The following LMBR1 variants were observed in gnomAD, a reference collection of about 807,000 sequenced individuals.
The protein encoded by LMBR1 is limb region 1 protein homolog.
In LMBR1, 52 loss-of-function variants were observed where a neutral mutation model predicts 73.9. The ratio of observed to expected loss-of-function variants is 0.70; its 90% CI spans 0.56 to 0.89. The LOEUF (loss-of-function observed/expected upper bound fraction) is 0.89, where lower values mean the gene tolerates loss of function less well. Ranked by LOEUF, LMBR1 falls within the 40% of genes least tolerant of loss-of-function variation. The pLI is 0.00. For missense variants in LMBR1, 539 were observed against 579.8 expected (o/e 0.93, Z 0.72); for synonymous variants, 215 against 209.4 (o/e 1.03, Z -0.23).
chr7:156,714,264 A>C (rs1270552229), intron 15 of LMBR1, among the ~76,000 whole-genome samples: 1 of 152,240 alleles, frequency 6.6e-6, no homozygotes, highest in African/African-American at 2.4e-5. Flanking sequence ...GATAAACGGA[A>C]AACTGCACCA....
intron 12 of LMBR1, among the ~76,000 whole-genome samples, chr7:156,726,435 C>T (rs907323874): frequency 6.6e-6 from 1 of 151,594 alleles, no homozygotes; most frequent in Non-Finnish European, 1.5e-5. Context: ...TTATCCCTAT[C>T]TCAAAAACTA....
chr7:156,673,543 T>C (rs113518786), downstream of LMBR1, among the ~76,000 whole-genome samples: 677 of 152,278 alleles, frequency 4.4e-3, 3 homozygotes, highest in Middle Eastern at 0.024. Context: ...AAAGAGAATT[T>C]GACTCATAAA....
intron 5 of LMBR1, among the ~76,000 whole-genome samples, chr7:156,766,506 C>T (rs1418999302): frequency 6.6e-6 from 1 of 152,120 alleles, no homozygotes; most frequent in Non-Finnish European, 1.5e-5. Flanking sequence ...AACTCGGAGA[C>T]TAACTTGTTA....
intron 9 of LMBR1, among the ~76,000 whole-genome samples, chr7:156,741,442 A>G (rs1486131843): frequency 1.3e-5 from 2 of 152,216 alleles, no homozygotes; most frequent in East Asian, 3.8e-4. Flanking sequence ...ATAGATTGAA[A>G]ATAAAGGCAT....
intron 5 of LMBR1, among the ~76,000 whole-genome samples, chr7:156,764,053 T>G (rs1366772079): frequency 6.6e-6 from 1 of 152,216 alleles, no homozygotes; most frequent in African/African-American, 2.4e-5. Context: ...TTTTAACAAT[T>G]ACTTTCCTAA....
intron 15 of LMBR1, among the ~76,000 whole-genome samples, chr7:156,694,575 C>A (rs1370374471): frequency 6.6e-6 from 1 of 152,128 alleles, no homozygotes; most frequent in Non-Finnish European, 1.5e-5. Flanking sequence ...CTAGCCAGAG[C>A]AATCAAGTTA....
rs146475592 is a variant in LMBR1 at position 156,754,457 on chromosome 7, C to T, written c.757+1936G>A. On this transcript the variant is annotated intron_variant, in intron 9 of 16. Coordinates refer to ENST00000353442, the MANE Select transcript of LMBR1 (RefSeq NM_022458.4). ...GTACAACTGAGCTCAGAGTAAGCCACACTGACACCCCAAAGATTTCTGCAA... is the reference window on the plus strand; with the variant it reads ...GTACAACTGAGCTCAGAGTAAGCCATACTGACACCCCAAAGATTTCTGCAA... Among the ~76,000 whole-genome samples the T allele has an allele frequency of 1.0e-3, 157 of 152,232 alleles. 1 individual carries two copies. The East Asian group carries it at 0.029, about 28-fold the overall frequency.
At chr7:156,738,139 C>T (rs769283179) in intron 9 of LMBR1, among the ~76,000 whole-genome samples, 6 of 152,076 alleles carry the variant, frequency 3.9e-5, no homozygotes, top group African/African-American at 2.4e-5. Flanking sequence ...CAGCAGCGGC[C>T]GTGTAGTGTG....
intron 1 of LMBR1, chr7:156,892,713 A>T: frequency 6.2e-6 from 2 of 321,170 alleles, no homozygotes; most frequent in Admixed American, 5.5e-5. Context: ...GGGCAGGCAG[A>T]GGAAGCGAAG....
At chr7:156,672,400 G>A (rs1802747678) in intron 4 of LMBR1, among the ~76,000 whole-genome samples, 1 of 152,128 alleles carries the variant, frequency 6.6e-6, no homozygotes, top group African/African-American at 2.4e-5. Flanking sequence ...ATGCCACAGT[G>A]ACTGAGGCAG....
In LMBR1 at chr7:156,685,240, T is replaced by C. The variant is rs576094338; in HGVS notation, c.1388-1077A>G. 5.9e-5 allele frequency among the ~76,000 whole-genome samples: 9 copies of C among 152,292 alleles called. No homozygotes were observed. The highest frequency in any genetic ancestry group is 3.9e-4 in the Admixed American group (6 of 15,298). On this transcript the variant is annotated intron_variant, in intron 16 of 16. Coordinates refer to ENST00000353442, the MANE Select transcript of LMBR1 (RefSeq NM_022458.4). This position sits in a 1 kb window ranked among gnomAD's most constrained non-coding sequence, Gnocchi z 4.1. ...AATATACCTGATACACAGACCAACA[T>C]TGCCCTCTCACAGGGAGAAAGGGCA...
chr7:156,720,955 C>T (rs1319449039), intron 15 of LMBR1, among the ~76,000 whole-genome samples: 2 of 151,894 alleles, frequency 1.3e-5, no homozygotes, highest in Non-Finnish European at 2.9e-5. Context: ...ATAAAGACCT[C>T]TCCAAAAAAG....
chr7:156,712,152 A>G (rs760633244), intron 15 of LMBR1, among the ~76,000 whole-genome samples: 13 of 152,356 alleles, frequency 8.5e-5, no homozygotes, highest in Admixed American at 2.6e-4. Context: ...CTCAACAACA[A>G]TAACAAAAAT....
intron 15 of LMBR1, among the ~76,000 whole-genome samples, chr7:156,719,131 C>T (rs1452723144): frequency 8.4e-6 from 1 of 119,424 alleles, no homozygotes; most frequent in African/African-American, 2.9e-5. Flanking sequence ...TATCCCCCCC[C>T]TCCCCCCACC....
chr7:156,829,989 CTTT>C (rs1444977934), intron 3 of LMBR1, among the ~76,000 whole-genome samples: 1 of 152,204 alleles, frequency 6.6e-6, no homozygotes, highest in Non-Finnish European at 1.5e-5. Flanking sequence ...TCCTCAACTT[CTTT>C]ATTAACCCAC....
At chr7:156,722,311 G>A (rs1447424115) in intron 15 of LMBR1, among the ~76,000 whole-genome samples, 1 of 151,990 alleles carries the variant, frequency 6.6e-6, no homozygotes, top group Non-Finnish European at 1.5e-5. Context: ...AGTCTTATAA[G>A]CTTTTCAGCT....
At chr7:156,804,395 T>C (rs1244818607) in intron 4 of LMBR1, among the ~76,000 whole-genome samples, 1 of 152,216 alleles carries the variant, frequency 6.6e-6, no homozygotes, top group Non-Finnish European at 1.5e-5. Context: ...ATCATTTCTT[T>C]TGGGAAATAC....
chr7:156,713,250 TA>T (rs1353009093), intron 15 of LMBR1, among the ~76,000 whole-genome samples: 1 of 151,612 alleles, frequency 6.6e-6, no homozygotes, highest in African/African-American at 2.4e-5. Flanking sequence ...GAGAGAGGGA[TA>T]AATAGACAGG....
At chr7:156,732,880 A>T (rs1817116482) in intron 10 of LMBR1, among the ~76,000 whole-genome samples, 1 of 152,246 alleles carries the variant, frequency 6.6e-6, no homozygotes, top group Admixed American at 6.5e-5. Context: ...ATCGTGGCTC[A>T]TGCCTGTAAT....
Sources: allele counts gnomAD v4.1 joint callset (sites outside exome capture counted in the v4.1 genomes callset), GRCh38; gene constraint gnomAD v4.1.1; non-coding constraint Gnocchi (gnomAD v3.1); transcripts MANE v1.5; gene names NCBI Gene and HGNC (gene_info 2026-07-23, HGNC 2026-07-21).